Variants in TOX observed in about 807,000 individuals in gnomAD.
TOX encodes the protein thymocyte selection associated high mobility group box.
In TOX, 11 loss-of-function variants were observed where a neutral mutation model predicts 53.7. The observed-to-expected ratio is 0.20, with a 90% CI of 0.13 to 0.34. The LOEUF (loss-of-function observed/expected upper bound fraction) is 0.34. Ranked by LOEUF, TOX falls within the 10% of genes least tolerant of loss-of-function variation. The probability of loss-of-function intolerance (pLI) is 1.00; values close to 1 mark genes in which losing one functional copy is unlikely to be tolerated. For synonymous variants in TOX, 225 were observed against 245.3 expected, an observed-to-expected ratio of 0.92 and a Z score of 0.77; for missense variants, 570 against 664.6, an observed-to-expected ratio of 0.86 and a Z score of 1.56.
chr8:58,987,187 C>T (rs375553751), intron 1 of TOX, among the ~76,000 whole-genome samples: 15 of 152,252 alleles, frequency 9.9e-5, no homozygotes, highest in East Asian at 9.7e-4. Flanking sequence ...CATAACGACA[C>T]GATTTTCCCT....
intron 1 of TOX, among the ~76,000 whole-genome samples, chr8:59,087,764 G>A (rs1416663447): frequency 6.6e-6 from 1 of 152,198 alleles, no homozygotes; most frequent in Non-Finnish European, 1.5e-5. Context: ...CTGCATGCAA[G>A]CTGCCCCAGC....
chr8:58,978,763 A>T (rs540663047), intron 1 of TOX, among the ~76,000 whole-genome samples: 1 of 152,330 alleles, frequency 6.6e-6, no homozygotes, highest in South Asian at 2.1e-4. Context: ...TGTAGTTTAC[A>T]TTAATTAGGG....
intron 1 of TOX, among the ~76,000 whole-genome samples, chr8:59,093,955 C>T (rs57464653): frequency 0.014 from 2,194 of 152,268 alleles, 56 homozygotes; most frequent in African/African-American, 0.049. Context: ...TTGCCTACAA[C>T]ATCGAAATAT....
At chr8:59,106,313 GA>G (rs60922087) in intron 1 of TOX, among the ~76,000 whole-genome samples, 11,453 of 148,666 alleles carry the variant, frequency 0.077, 504 homozygotes, top group East Asian at 0.17. Flanking sequence ...CTTTAGGGGG[GA>G]AAAAAAAAGA....
rs201340452 is a variant in TOX at position 58,851,596 on chromosome 8, T to G, written c.621A>C (p.Pro207=). The change falls in exon 4 of 9, where the codon CCA becomes CCC. Residue 207 remains proline (P), a synonymous_variant. Coordinates refer to ENST00000361421, the MANE Select transcript of TOX (RefSeq NM_014729.3). This position sits in a 1 kb window ranked among gnomAD's most constrained non-coding sequence, Gnocchi z 4.4. ...GSNVPHNSPS[P]PGSKSATPSP... The stretch of plus-strand genomic sequence containing the variant: ...AAGGAGTTGCAGACTTGCTTCCAGG[T>G]GGAGATGGTGAGTTGTGGGGAACAT... The G allele has an allele frequency of 1.9e-6, 3 of 1,613,394 alleles. No homozygotes were observed. Among genetic ancestry groups the G allele is most frequent in the Non-Finnish European group, 2.5e-6 (3 of 1,179,702 alleles).
At chr8:58,973,485 C>T (rs1434936086) in intron 1 of TOX, among the ~76,000 whole-genome samples, 13 of 152,202 alleles carry the variant, frequency 8.5e-5, no homozygotes, top group Admixed American at 7.9e-4. Flanking sequence ...CACGCATCTG[C>T]TATTTTCTCC....
chr8:58,924,997 C>T (rs148368272), intron 3 of TOX, among the ~76,000 whole-genome samples: 129 of 152,276 alleles, frequency 8.5e-4, no homozygotes, highest in African/African-American at 3.0e-3. Flanking sequence ...TGCAGCGCTC[C>T]CTACTTTCCA....
intron 1 of TOX, among the ~76,000 whole-genome samples, chr8:59,002,137 G>T (rs1224160555): frequency 4.6e-5 from 7 of 151,268 alleles, no homozygotes; most frequent in Non-Finnish European, 1.0e-4. Context: ...CACCATGCTG[G>T]CTAATTTTGT....
intron 1 of TOX, among the ~76,000 whole-genome samples, chr8:59,034,328 C>A (rs1814415276): frequency 6.6e-6 from 1 of 152,222 alleles, no homozygotes; most frequent in Non-Finnish European, 1.5e-5. Context: ...AAACTGCTAC[C>A]CAAATGCCAG....
intron 1 of TOX, among the ~76,000 whole-genome samples, chr8:59,013,307 A>G (rs1313196593): frequency 6.6e-6 from 1 of 152,192 alleles, no homozygotes. Context: ...ATAATGTAAC[A>G]TATTCTAGCT....
intron 3 of TOX, among the ~76,000 whole-genome samples, chr8:58,881,968 C>A (rs888508056): frequency 2.6e-5 from 4 of 152,186 alleles, no homozygotes; most frequent in Non-Finnish European, 5.9e-5. Context: ...TGTAATTAGC[C>A]TTTGCGGTAA....
chr8:58,875,746 G>A (rs1811272389), intron 3 of TOX, among the ~76,000 whole-genome samples: 3 of 152,174 alleles, frequency 2.0e-5, no homozygotes, highest in African/African-American at 7.2e-5. Context: ...TTCTGGAAAG[G>A]TTAGATGAGC....
chr8:59,037,613 C>T (rs1305159061), intron 1 of TOX, among the ~76,000 whole-genome samples: 1 of 151,984 alleles, frequency 6.6e-6, no homozygotes, highest in Non-Finnish European at 1.5e-5. Context: ...ACCAGCCTGG[C>T]CAACATGGTG....
chr8:58,973,927 A>G (rs1349679182), intron 1 of TOX, among the ~76,000 whole-genome samples: 1 of 151,998 alleles, frequency 6.6e-6, no homozygotes, highest in Non-Finnish European at 1.5e-5. Flanking sequence ...CCTCTTGAGT[A>G]GCTGAGATGA....
At chr8:58,847,771 A>G (rs993028435) in intron 4 of TOX, among the ~76,000 whole-genome samples, 18 of 152,284 alleles carry the variant, frequency 1.2e-4, no homozygotes, top group South Asian at 4.1e-4. Context: ...AAGTCAGGTT[A>G]CTTTCAAAGG....
chr8:58,923,954 A>G (rs1463228558), intron 3 of TOX, among the ~76,000 whole-genome samples: 1 of 152,188 alleles, frequency 6.6e-6, no homozygotes, highest in African/African-American at 2.4e-5. Context: ...AATGCAACAC[A>G]AAGAGAAGAA....
chr8:58,915,398 A>AC (rs1204121719), intron 3 of TOX, among the ~76,000 whole-genome samples: 1 of 88,482 alleles, frequency 1.1e-5, no homozygotes, highest in Non-Finnish European at 2.3e-5. Flanking sequence ...CTGACCCCTG[A>AC]CCCCCGAGCA....
chr8:58,952,751 T>G (rs1471946839), intron 2 of TOX, among the ~76,000 whole-genome samples: 1 of 152,210 alleles, frequency 6.6e-6, no homozygotes, highest in Non-Finnish European at 1.5e-5. Context: ...CCCTAATACT[T>G]GACAAAACAT....
chr8:58,941,790 T>C (rs543932532), intron 2 of TOX, among the ~76,000 whole-genome samples: 15 of 152,112 alleles, frequency 9.9e-5, no homozygotes, highest in Non-Finnish European at 2.2e-4. Context: ...CGGTGGCTCA[T>C]ACCTGTAATC....
Sources: allele counts gnomAD v4.1 joint callset (sites outside exome capture counted in the v4.1 genomes callset), GRCh38; gene constraint gnomAD v4.1.1; non-coding constraint Gnocchi (gnomAD v3.1); transcripts MANE v1.5; gene names NCBI Gene and HGNC (gene_info 2026-07-23, HGNC 2026-07-21).